The following GC variants were observed in gnomAD, a reference collection of about 807,000 sequenced individuals.
GC encodes GC vitamin D binding protein.
GC carries 43 observed loss-of-function variants against 56.7 expected under a neutral mutation model. The ratio of observed to expected loss-of-function variants is 0.76; its 90% confidence interval spans 0.59 to 0.98. The LOEUF (loss-of-function observed/expected upper bound fraction) is 0.98, where lower values mean the gene tolerates loss of function less well. GC is among the 50% of genes least tolerant of loss of function. The probability of loss-of-function intolerance (pLI) is 0.00; values close to 1 mark genes in which losing one functional copy is unlikely to be tolerated. For synonymous variants in GC, 216 were observed against 202.7 expected (o/e 1.07, Z -0.56); for missense variants, 529 against 545.9 (o/e 0.97, Z 0.31).
intron 8 of GC, 67 bp downstream of exon 8, chr4:71,756,645 G>C: frequency 1.9e-6 from 2 of 1,033,178 alleles, no homozygotes; most frequent in Non-Finnish European, 3.0e-6. Flanking sequence ...CCTCCATCTG[G>C]CTGGCCCCCA....
intron 1 of GC, among the ~76,000 whole-genome samples, chr4:71,781,580 T>C (rs560123457): frequency 1.3e-4 from 20 of 151,822 alleles, no homozygotes; most frequent in Admixed American, 2.6e-4. Context: ...TAAAAAAAAA[T>C]TTTATAGCTG....
chr4:71,754,956 A>G, intron 9 of GC, 22 bp downstream of exon 9: 1 of 1,527,206 alleles, frequency 6.5e-7, no homozygotes, highest in Non-Finnish European at 8.8e-7. Flanking sequence ...TGTGCTTGAT[A>G]AAGAAAATCC....
chr4:71,760,386 A>T (rs222004), intron 6 of GC, among the ~76,000 whole-genome samples: 70,423 of 151,826 alleles, frequency 0.46, 18,337 homozygotes, highest in Middle Eastern at 0.6. Flanking sequence ...ACGGAAGCTT[A>T]TTATGCATTG....
chr4:71,762,997 T>C (rs1742033986), intron 6 of GC, among the ~76,000 whole-genome samples: 2 of 152,348 alleles, frequency 1.3e-5, no homozygotes, highest in South Asian at 4.1e-4. Context: ...CAAGTCTTCA[T>C]ACAACAAGTA....
Position 71,763,388 on chromosome 4 carries a change from C to A in GC, c.701+20G>T, listed in dbSNP as rs765067702. ...TGCAGAACCAAACATCTAAATATGA[C>A]AATAGCACTTAATCTTTACCTGAGC... On this transcript the variant is annotated intron_variant, in intron 6 of 12. Transcript: ENST00000273951. 5 of 1,291,052 alleles carry A rather than the reference C, an allele frequency of 3.9e-6. No individual in the cohort carries two copies. The highest frequency in any genetic ancestry group is 1.1e-6 in the Non-Finnish European group (1 of 889,476). The allele number at this position is 1,291,052 out of a possible 1,614,324, so 80.0% of individuals were successfully genotyped here. A position where few individuals can be genotyped will look rare whatever the true frequency, so the allele number is the denominator to read the frequency against.
intron 1 of GC, among the ~76,000 whole-genome samples, chr4:71,781,290 C>G (rs192659969): frequency 6.6e-6 from 1 of 151,502 alleles, no homozygotes; most frequent in Non-Finnish European, 1.5e-5. Context: ...ATGTAAATGA[C>G]GAGTTAATGG....
In GC at chr4:71,768,301, C is replaced by G. The variant is rs755932355; in HGVS notation, c.261G>C (p.Arg87Ser). The change falls in exon 3 of 13, where the codon AGG becomes AGC. Residue 87 changes from arginine to serine, a missense_variant and splice_region_variant. By Grantham distance (110) the Arg-to-Ser change is moderately radical. Transcript: ENST00000273951. ...GAGACGGCCAGCCACAGAAACCTAC[C>G]CTGGTGTCATAGCAGTCAGGGTCAG... ...EGADPDCYDT[R>S]TSALSAKSCE... 4.4e-6 allele frequency: 7 copies of G among 1,602,964 alleles called. No individual in the cohort carries two copies.
At chr4:71,752,714 A>C (rs1741598125) in intron 10 of GC, 64 bp from the exon 11 acceptor site, 1 of 1,322,386 alleles carries the variant, frequency 7.6e-7, no homozygotes, top group Non-Finnish European at 1.1e-6. Context: ...TTTCTAATGC[A>C]AAATAATAGC....
intron 1 of GC, among the ~76,000 whole-genome samples, chr4:71,770,036 T>A: frequency 6.6e-6 from 1 of 152,108 alleles, no homozygotes; most frequent in African/African-American, 2.4e-5. Flanking sequence ...GTGTGGTGAG[T>A]CTGGGGGATG....
At chr4:71,771,947 T>C (rs1329844064) in intron 1 of GC, among the ~76,000 whole-genome samples, 1 of 152,190 alleles carries the variant, frequency 6.6e-6, no homozygotes, top group Admixed American at 6.6e-5. Flanking sequence ...AGGAGAAATG[T>C]CTGGCAGTTA....
Position 71,741,863 on chromosome 4 carries a change from A to T in GC, c.*33T>A. 1.4e-6 allele frequency: 1 copy of T among 702,974 alleles called. No homozygotes were observed. The highest frequency in any genetic ancestry group is 2.6e-6 in the Non-Finnish European group (1 of 384,994). 43.5% of individuals were successfully genotyped at this position (702,974 alleles called of 1,614,324 possible). On this transcript the variant is annotated 3_prime_UTR_variant, in exon 13 of 13. Coordinates refer to ENST00000273951, the MANE Select transcript of GC (RefSeq NM_000583.4). ...GAGATCATTCCCCTGGGTGGCTCCA[A>T]CTCTGGTCTATGAGAATAATGAAAT...
At chr4:71,801,386 G>GC (rs1743244759) in intron 1 of GC, among the ~76,000 whole-genome samples, 1 of 152,066 alleles carries the variant, frequency 6.6e-6, no homozygotes, top group South Asian at 2.1e-4. Context: ...CTAATACTCT[G>GC]CCCTGCAAAT....
At chr4:71,752,949 C>A (rs757526578) in intron 10 of GC, among the ~76,000 whole-genome samples, 21 of 152,118 alleles carry the variant, frequency 1.4e-4, no homozygotes, top group Non-Finnish European at 2.9e-4. Context: ...TTTATCCTAA[C>A]CTTTCACCTT....
At chr4:71,784,176 G>A (rs1244213514), upstream of GC, 1 of 1,319,778 alleles carries the variant, frequency 7.6e-7, no homozygotes, top group African/African-American at 1.5e-5. Context: ...ATTAAACACA[G>A]AAGCAAGGGG....
intron 1 of GC, among the ~76,000 whole-genome samples, chr4:71,772,484 A>G (rs1333963005): frequency 6.6e-6 from 1 of 152,178 alleles, no homozygotes; most frequent in East Asian, 1.9e-4. Context: ...CATTTCATAT[A>G]TTATGGGAAT....
intron 11 of GC, among the ~76,000 whole-genome samples, chr4:71,750,750 TG>T (rs1244602660): frequency 6.6e-6 from 1 of 152,066 alleles, no homozygotes; most frequent in Non-Finnish European, 1.5e-5. Flanking sequence ...CTGGGCGTGG[TG>T]GTGGGCACCT....
intron 3 of GC, among the ~76,000 whole-genome samples, chr4:71,766,797 T>C (rs1420138511): frequency 1.3e-5 from 2 of 152,164 alleles, no homozygotes; most frequent in Non-Finnish European, 2.9e-5. Flanking sequence ...CTGGCAACCC[T>C]TCTTTTTGCC....
chr4:71,791,517 G>C (rs971281340), intron 1 of GC, among the ~76,000 whole-genome samples: 19 of 152,142 alleles, frequency 1.2e-4, no homozygotes, highest in African/African-American at 4.6e-4. Flanking sequence ...AAGTTGGAAA[G>C]AACGTAAACC....
chr4:71,746,614 G>A (rs911030513), intron 11 of GC, among the ~76,000 whole-genome samples: 2 of 151,800 alleles, frequency 1.3e-5, no homozygotes, highest in Non-Finnish European at 2.9e-5. Flanking sequence ...GGGCAAGCGG[G>A]TGGAGTCATT....
Sources: allele counts gnomAD v4.1 joint callset (sites outside exome capture counted in the v4.1 genomes callset), GRCh38; gene constraint gnomAD v4.1.1; transcripts MANE v1.5; gene names NCBI Gene and HGNC (gene_info 2026-07-23, HGNC 2026-07-21).